Variants in SCARB1 observed in about 807,000 individuals in gnomAD.
SCARB1 encodes scavenger receptor class B member 1.
SCARB1 carries 30 observed loss-of-function variants against 57.2 expected under a neutral mutation model. The ratio of observed to expected loss-of-function variants is 0.52; its 90% CI spans 0.39 to 0.71. The LOEUF (loss-of-function observed/expected upper bound fraction) is 0.71, where lower values mean the gene tolerates loss of function less well. Ranked by LOEUF, SCARB1 falls within the 30% of genes least tolerant of loss-of-function variation. SCARB1 has a pLI of 0.00. For synonymous variants in SCARB1, 249 were observed against 268.3 expected (o/e 0.93, Z 0.70); for missense variants, 543 against 671.2 (o/e 0.81, Z 2.11).
chr12:124,807,207 A>T lies in SCARB1; in HGVS notation c.1009+554T>A, dbSNP rs970270536. Among the ~76,000 whole-genome samples, 1 of 152,168 alleles carries T rather than the reference A, an allele frequency of 6.6e-6. No individual in the cohort carries two copies. The highest frequency in any genetic ancestry group is 2.4e-5 in the African/African-American group (1 of 41,448). On this transcript the variant is annotated intron_variant, in intron 7 of 12. Coordinates refer to ENST00000261693, the MANE Select transcript of SCARB1 (RefSeq NM_005505.5). This position sits in a 1 kb window ranked among gnomAD's most constrained non-coding sequence, Gnocchi z 5.3. ...CAGAGTGAGAGTCTGTCTCAAAAAA[A>T]ATAATAATAAACAAGATGGGGAGAT...
chr12:124,843,255 TTTG>T (rs1951981822), intron 1 of SCARB1, among the ~76,000 whole-genome samples: 2 of 145,960 alleles, frequency 1.4e-5, no homozygotes, highest in South Asian at 4.6e-4. Context: ...TGGCCTCCAG[TTTG>T]TTTTGTTTTT....
At chr12:124,856,917 C>T (rs1429469742) in intron 1 of SCARB1, among the ~76,000 whole-genome samples, 3 of 152,186 alleles carry the variant, frequency 2.0e-5, no homozygotes, top group Admixed American at 6.5e-5. Flanking sequence ...AGACTACCCC[C>T]GGAAGGGAGA....
At position 124,817,603 on chromosome 12, in the gene SCARB1, C is replaced by G. The variant is rs763363521; in HGVS notation, c.231G>C (p.Glu77Asp). The change falls in exon 2 of 13, where the codon GAG (glutamate) becomes GAC (aspartate). Residue 77 changes from glutamate (E) to aspartate (D), a missense_variant. Transcript: ENST00000261693. This position sits in a 1 kb window ranked among gnomAD's most constrained non-coding sequence, Gnocchi z 4.8. ...VYFFDVMNPS[E>D]ILKGEKPQVR... ...CCTGCGGCTTCTCGCCCTTCAGGAT[C>G]TCGCTGGGGTTCATGACGTCAAAGA... 1 of 1,614,228 alleles carries G rather than the reference C, an allele frequency of 6.2e-7. No homozygotes were observed. Among genetic ancestry groups the G allele is most frequent in the Non-Finnish European group, 8.5e-7 (1 of 1,180,046 alleles).
chr12:124,817,140 ATG>A lies in SCARB1; in HGVS notation c.284+408_284+409del, dbSNP rs1222615422. Among the ~76,000 whole-genome samples, 2 of 150,100 alleles carry A rather than the reference ATG, an allele frequency of 1.3e-5. No homozygotes were observed. The highest frequency in any genetic ancestry group is 3.0e-5 in the Non-Finnish European group (2 of 67,392). On this transcript the variant is annotated intron_variant, in intron 2 of 12. Transcript: ENST00000261693. This position sits in a 1 kb window ranked among gnomAD's most constrained non-coding sequence, Gnocchi z 4.8. Reference sequence around the variant, plus strand: ...TGTATGTATGTATGTGTGTATGTGTATGTGTATGTGTGTGTATGTATGTGTGT... The same window carrying A: ...TGTATGTATGTATGTGTGTATGTGTATGTATGTGTGTGTATGTATGTGTGT...
At chr12:124,835,114 G>T (rs1485557253) in intron 1 of SCARB1, among the ~76,000 whole-genome samples, 1 of 152,130 alleles carries the variant, frequency 6.6e-6, no homozygotes, top group African/African-American at 2.4e-5. Context: ...AGACACTGAC[G>T]GATGAGGCAA....
chr12:124,807,765 C>A lies in SCARB1; in HGVS notation c.1005G>T (p.Arg335Ser). ...AGCACAGGGGACGGCACGTACTGAA[C>A]CTGCAGGTGCTGACGTTCTGAATTC... ...ESGIQNVSTC[R>S]FSAPLFLSHP... is the part of the protein sequence containing the mutation. The change falls in exon 7 of 13, where the codon AGG becomes AGT. Residue 335 changes from arginine to serine, a missense_variant. By Grantham distance (110) the Arg-to-Ser change is moderately radical (BLOSUM62 -1). Transcript: ENST00000261693. The surrounding 1 kb of genome is among the most constrained non-coding windows in gnomAD (Gnocchi z 5.3). 6.2e-7 allele frequency: 1 copy of A among 1,614,124 alleles called. No homozygotes were observed. The highest frequency in any genetic ancestry group is 8.5e-7 in the Non-Finnish European group (1 of 1,180,008).
intron 9 of SCARB1, among the ~76,000 whole-genome samples, chr12:124,794,853 C>T (rs1165325167): frequency 6.6e-6 from 1 of 152,104 alleles, no homozygotes. Flanking sequence ...TCGCTTGAAC[C>T]TGGGAGGCGG....
intron 1 of SCARB1, among the ~76,000 whole-genome samples, chr12:124,821,032 C>T (rs1301540666): frequency 1.3e-5 from 2 of 152,098 alleles, no homozygotes. Context: ...CACTTGAGCA[C>T]AGGAGTTCAA....
chr12:124,821,912 C>G (rs538043150), intron 1 of SCARB1, among the ~76,000 whole-genome samples: 47 of 152,276 alleles, frequency 3.1e-4, no homozygotes, highest in African/African-American at 1.1e-3. Flanking sequence ...GACACTGTGG[C>G]CTTTTGCCTA....
chr12:124,859,079 T>G (rs1952772862), intron 1 of SCARB1, among the ~76,000 whole-genome samples: 1 of 152,068 alleles, frequency 6.6e-6, no homozygotes, highest in African/African-American at 2.4e-5. Context: ...GATGGGGGTC[T>G]CACTATGTTG....
intron 1 of SCARB1, among the ~76,000 whole-genome samples, chr12:124,852,561 C>T (rs908190214): frequency 3.3e-5 from 5 of 152,248 alleles, no homozygotes; most frequent in Admixed American, 6.5e-5. Flanking sequence ...CCACTGGGGC[C>T]TCTCTGCCTT....
intron 1 of SCARB1, among the ~76,000 whole-genome samples, chr12:124,845,417 G>C (rs568057459): frequency 6.6e-6 from 1 of 152,126 alleles, no homozygotes; most frequent in African/African-American, 2.4e-5. Context: ...GTGCAGGGCC[G>C]GGCACGGTGG....
intron 6 of SCARB1, among the ~76,000 whole-genome samples, chr12:124,809,427 TTAAA>T (rs780744209): frequency 4.6e-5 from 7 of 152,058 alleles, no homozygotes; most frequent in Admixed American, 6.6e-5. Flanking sequence ...CTCTAAAAAA[TTAAA>T]TAAATAAATA....
Position 124,783,094 on chromosome 12 carries a change from T to C in SCARB1, c.1402-283A>G, listed in dbSNP as rs138569758. On this transcript the variant is annotated intron_variant, in intron 11 of 12. Transcript: ENST00000261693. ...CCAGCGAGGAAGCAAGGTGGGGAGATGGGCCATGGAGACCGACAACCAGTG... is the reference window on the plus strand; with the variant it reads ...CCAGCGAGGAAGCAAGGTGGGGAGACGGGCCATGGAGACCGACAACCAGTG... 1.4e-5 allele frequency: 6 copies of C among 426,884 alleles called. No individual in the cohort carries two copies. In the East Asian group the frequency reaches 2.3e-4, roughly 17 times the overall value. The allele number at this position is 426,884 out of a possible 1,614,324, so 26.4% of individuals were successfully genotyped here.
rs1188038939 is a variant in SCARB1 at position 124,800,314 on chromosome 12, GCA to G, written c.1010-74_1010-73del. 6.9e-6 allele frequency: 8 copies of G among 1,163,786 alleles called. No individual in the cohort carries two copies. The highest frequency in any genetic ancestry group is 1.0e-5 in the Non-Finnish European group (8 of 781,906). 72.1% of individuals were successfully genotyped at this position (1,163,786 alleles called of 1,614,324 possible). A position where few individuals can be genotyped will look rare whatever the true frequency, so the allele number is the denominator to read the frequency against. ...GCAGGTCCTGCCAGGCCGGAGGTCT[GCA>G]CAGAGCTGTGGTCTGCAGGGCACCC... On this transcript the variant is annotated intron_variant, in intron 7 of 12. Coordinates refer to ENST00000261693, the MANE Select transcript of SCARB1 (RefSeq NM_005505.5). This position sits in a 1 kb window ranked among gnomAD's most constrained non-coding sequence, Gnocchi z 4.8.
intron 1 of SCARB1, among the ~76,000 whole-genome samples, chr12:124,846,845 C>T (rs1489587702): frequency 2.0e-5 from 3 of 151,230 alleles, no homozygotes; most frequent in Admixed American, 6.6e-5. Flanking sequence ...TGCAGCTTAT[C>T]GCAGCAATGT....
At position 124,814,979 on chromosome 12, in the gene SCARB1, C is replaced by G; in HGVS notation, c.420G>C (p.Leu140=). 6.2e-7 allele frequency: 1 copy of G among 1,614,132 alleles called. No individual in the cohort carries two copies. Among genetic ancestry groups the G allele is most frequent in the South Asian group, 1.1e-5 (1 of 91,072 alleles). The part of the protein sequence containing the change: ...ESDYIVMPNI[L]VLGAAVMMEN... The stretch of plus-strand genomic sequence containing the variant: ...GGCCACAGGGCAGCCTCACCAAGAC[C>G]AGGATGTTGGGCATGACGATGTAGT... The change falls in exon 3 of 13, where the codon CTG becomes CTC. Residue 140 remains leucine (L), a synonymous_variant. Coordinates refer to ENST00000261693, the MANE Select transcript of SCARB1 (RefSeq NM_005505.5). The surrounding 1 kb of genome is among the most constrained non-coding windows in gnomAD (Gnocchi z 4.7).
At chr12:124,826,264 A>C (rs1284266491) in intron 1 of SCARB1, among the ~76,000 whole-genome samples, 1 of 150,908 alleles carries the variant, frequency 6.6e-6, no homozygotes, top group Non-Finnish European at 1.5e-5. Flanking sequence ...CTGAGAGTTC[A>C]AGGCTGCAGT....
Position 124,810,333 on chromosome 12 carries a change from C to T in SCARB1, c.727-44G>A, listed in dbSNP as rs765992920. ...ACTAGACCCCTCAGTAGGGCCAAGG[C>T]CCCTTAATAAGCCCTCTCAGGTGCT... On this transcript the variant is annotated intron_variant, in intron 5 of 12. Transcript: ENST00000261693. This position sits in a 1 kb window ranked among gnomAD's most constrained non-coding sequence, Gnocchi z 4.0. 15 of 1,399,250 alleles carry T rather than the reference C, an allele frequency of 1.1e-5. No homozygotes were observed. The East Asian group carries it at 3.2e-4, about 30-fold the overall frequency. The allele number at this position is 1,399,250 out of a possible 1,614,324, so 86.7% of individuals were successfully genotyped here.
Sources: allele counts gnomAD v4.1 joint callset (sites outside exome capture counted in the v4.1 genomes callset), GRCh38; gene constraint gnomAD v4.1.1; non-coding constraint Gnocchi (gnomAD v3.1); transcripts MANE v1.5; gene names NCBI Gene and HGNC (gene_info 2026-07-23, HGNC 2026-07-21).